Variants in CHRM3 observed in about 807,000 individuals in gnomAD.
CHRM3 encodes the protein cholinergic receptor muscarinic 3.
CHRM3 carries 11 observed loss-of-function variants against 41.8 expected under a neutral mutation model. The observed-to-expected ratio is 0.26, with a 90% CI of 0.17 to 0.44. The LOEUF (loss-of-function observed/expected upper bound fraction) is 0.44, where lower values mean the gene tolerates loss of function less well. CHRM3 is among the 20% of genes least tolerant of loss of function. The pLI is 1.00. For missense variants in CHRM3, 571 were observed against 745.4 expected, an observed-to-expected ratio of 0.77 and a Z score of 2.72; for synonymous variants, 297 against 301.4, an observed-to-expected ratio of 0.99 and a Z score of 0.15.
chr1:239,621,117 G>C (rs1668311903), intron 3 of CHRM3, among the ~76,000 whole-genome samples: 1 of 152,082 alleles, frequency 6.6e-6, no homozygotes, highest in Non-Finnish European at 1.5e-5. Flanking sequence ...TATTATATAT[G>C]ACATGGTGAT....
intron 3 of CHRM3, among the ~76,000 whole-genome samples, chr1:239,590,266 A>G (rs1317695199): frequency 6.6e-6 from 1 of 152,190 alleles, no homozygotes; most frequent in Non-Finnish European, 1.5e-5. Flanking sequence ...CTTTCCCTTC[A>G]ATTTATTCAG....
intron 3 of CHRM3, among the ~76,000 whole-genome samples, chr1:239,559,972 A>G (rs1307037837): frequency 1.3e-5 from 2 of 152,208 alleles, no homozygotes; most frequent in Admixed American, 1.3e-4. Flanking sequence ...CAATTTTTCA[A>G]ATAAAATTCA....
At chr1:239,513,301 C>A (rs1369751570) in intron 2 of CHRM3, among the ~76,000 whole-genome samples, 1 of 151,964 alleles carries the variant, frequency 6.6e-6, no homozygotes. Context: ...AAAATAATAT[C>A]TTTTGTCAGT....
chr1:239,709,910 A>G (rs1661592600), intron 5 of CHRM3, among the ~76,000 whole-genome samples: 1 of 152,238 alleles, frequency 6.6e-6, no homozygotes, highest in Admixed American at 6.5e-5. Flanking sequence ...CACATTATTT[A>G]AGTTAAAATG....
chr1:239,837,833 C>A (rs1444189968), intron 6 of CHRM3, among the ~76,000 whole-genome samples: 1 of 152,066 alleles, frequency 6.6e-6, no homozygotes, highest in Admixed American at 6.6e-5. Context: ...CATTCTTTAC[C>A]CATTCATTGA....
At chr1:239,497,194 T>G (rs1352761646) in intron 2 of CHRM3, among the ~76,000 whole-genome samples, 1 of 152,180 alleles carries the variant, frequency 6.6e-6, no homozygotes, top group Non-Finnish European at 1.5e-5. Context: ...CACATCCTGA[T>G]TTTGAAATTA....
At chr1:239,514,758 T>G (rs1669147411) in intron 2 of CHRM3, among the ~76,000 whole-genome samples, 1 of 152,070 alleles carries the variant, frequency 6.6e-6, no homozygotes, top group Non-Finnish European at 1.5e-5. Flanking sequence ...TTGTGGAGTT[T>G]CCAGGTAGAT....
At chr1:239,663,709 A>G (rs1302354144) in intron 4 of CHRM3, among the ~76,000 whole-genome samples, 1 of 152,208 alleles carries the variant, frequency 6.6e-6, no homozygotes, top group Non-Finnish European at 1.5e-5. Flanking sequence ...ATCTAAATAC[A>G]TGCATTTTGC....
At chr1:239,684,782 GAA>G (rs1267367293) in intron 5 of CHRM3, among the ~76,000 whole-genome samples, 1 of 151,112 alleles carries the variant, frequency 6.6e-6, no homozygotes, top group African/African-American at 2.4e-5. Context: ...GAAAGAGAAA[GAA>G]AAGAGAAGAG....
In CHRM3 at chr1:239,668,227, T is replaced by C. The variant is rs183372699; in HGVS notation, c.-249-9959T>C. On this transcript the variant is annotated intron_variant, in intron 4 of 6. Transcript: ENST00000676153. ...AATTCTCATGCCTCAGCCTCCTGAG[T>C]AGCTGGGATTACAGGCTTGAACTAC... Among the ~76,000 whole-genome samples, 23 of 151,128 alleles carry C rather than the reference T, an allele frequency of 1.5e-4. No homozygotes were observed. The East Asian group carries it at 4.5e-3, about 30-fold the overall frequency.
chr1:239,459,928 T>C (rs1376421783), intron 1 of CHRM3, among the ~76,000 whole-genome samples: 1 of 152,216 alleles, frequency 6.6e-6, no homozygotes, highest in East Asian at 1.9e-4. Flanking sequence ...TAATAAATAA[T>C]GATCACGCAT....
chr1:239,765,734 G>A (rs962812757), intron 5 of CHRM3, among the ~76,000 whole-genome samples: 10 of 152,024 alleles, frequency 6.6e-5, no homozygotes, highest in Non-Finnish European at 1.5e-4. Flanking sequence ...TATTCAGCAA[G>A]CATTCATGTG....
intron 6 of CHRM3, among the ~76,000 whole-genome samples, chr1:239,857,634 A>T (rs1382491756): frequency 6.6e-6 from 1 of 152,194 alleles, no homozygotes; most frequent in Non-Finnish European, 1.5e-5. Flanking sequence ...TTGTTAAATT[A>T]TTCTGATTAT....
chr1:239,725,118 T>TCCTA (rs1558488891), intron 5 of CHRM3, among the ~76,000 whole-genome samples: 1 of 151,946 alleles, frequency 6.6e-6, no homozygotes, highest in South Asian at 2.1e-4. Flanking sequence ...CAACAACCTA[T>TCCTA]TTTAGACTTA....
At chr1:239,621,769 G>T (rs7519126) in intron 3 of CHRM3, among the ~76,000 whole-genome samples, 8,604 of 152,190 alleles carry the variant, frequency 0.057, 802 homozygotes, top group African/African-American at 0.2. Context: ...AAGGACAAAA[G>T]CTGTCTATAT....
intron 1 of CHRM3, among the ~76,000 whole-genome samples, chr1:239,408,532 A>AAC (rs1212511939): frequency 1.3e-5 from 2 of 151,000 alleles, no homozygotes; most frequent in Non-Finnish European, 3.0e-5. Context: ...AAAAAAAAAA[A>AAC]AAAAAAAAAA....
chr1:239,829,423 A>C (rs1449935414), intron 6 of CHRM3, among the ~76,000 whole-genome samples: 1 of 151,890 alleles, frequency 6.6e-6, no homozygotes, highest in Non-Finnish European at 1.5e-5. Flanking sequence ...TTTGAAAAAG[A>C]AAAGAAATTT....
intron 6 of CHRM3, among the ~76,000 whole-genome samples, chr1:239,835,638 T>G (rs1255369201): frequency 2.6e-5 from 4 of 152,326 alleles, no homozygotes; most frequent in African/African-American, 9.6e-5. Context: ...TGAAATCAAC[T>G]TAGTGCGTTA....
At chr1:239,862,019 T>C (rs752758200) in intron 6 of CHRM3, among the ~76,000 whole-genome samples, 1 of 152,210 alleles carries the variant, frequency 6.6e-6, no homozygotes, top group Non-Finnish European at 1.5e-5. Flanking sequence ...CTTCTACCTC[T>C]GGTTTCCAAA....
Sources: gnomAD v4.1 joint callset for allele counts (sites outside exome capture counted in the v4.1 genomes callset) on GRCh38, gnomAD v4.1.1 for gene constraint, MANE v1.5 for transcripts, NCBI Gene and HGNC (gene_info 2026-07-23, HGNC 2026-07-21) for gene names.